Variants in FBN2 observed in about 807,000 individuals in gnomAD.
FBN2 encodes the protein fibrillin-2.
FBN2 carries 105 observed loss-of-function variants against 355.6 expected under a neutral mutation model. The observed-to-expected ratio is 0.30, with a 90% confidence interval of 0.25 to 0.35. The LOEUF (loss-of-function observed/expected upper bound fraction) is 0.35, where lower values mean the gene tolerates loss of function less well. Among genes scored for constraint, FBN2 ranks in the 10% least tolerant of loss-of-function variants. The probability of loss-of-function intolerance (pLI) is 1.00; values close to 1 mark genes in which losing one functional copy is unlikely to be tolerated. For synonymous variants in FBN2, 1,350 were observed against 1,301.2 expected (o/e 1.04, Z -0.81); for missense variants, 3,280 against 3,758.7 (o/e 0.87, Z 3.33).
chr5:128,516,823 G>GA (rs1756293145), intron 5 of FBN2, among the ~76,000 whole-genome samples: 1 of 151,914 alleles, frequency 6.6e-6, no homozygotes, highest in South Asian at 2.1e-4. Flanking sequence ...AATGTTTCTT[G>GA]AAAAAAATTA....
At chr5:128,407,422 T>TA (rs1752954860) in intron 8 of FBN2, among the ~76,000 whole-genome samples, 1 of 152,178 alleles carries the variant, frequency 6.6e-6, no homozygotes, top group Non-Finnish European at 1.5e-5. Flanking sequence ...ATTGGACACT[T>TA]ATTAGAAGAA....
chr5:128,464,681 T>G (rs748616990), intron 6 of FBN2, 43 bp downstream of exon 6: 1 of 1,594,404 alleles, frequency 6.3e-7, no homozygotes, highest in Admixed American at 1.7e-5. Context: ...AAAAGAGAAG[T>G]GGCAGGTCTG....
At chr5:128,299,555 G>A (rs1167352830) in intron 48 of FBN2, among the ~76,000 whole-genome samples, 4 of 152,132 alleles carry the variant, frequency 2.6e-5, no homozygotes, top group Admixed American at 6.5e-5. Flanking sequence ...TCGGAAAACC[G>A]CAGTATTCGG....
intron 7 of FBN2, among the ~76,000 whole-genome samples, chr5:128,438,054 G>T (rs1347540169): frequency 6.6e-6 from 1 of 152,184 alleles, no homozygotes; most frequent in African/African-American, 2.4e-5. Flanking sequence ...GCAGTGGCAT[G>T]ATCCCAGGTA....
At chr5:128,324,469 G>C (rs1216198635) in intron 34 of FBN2, among the ~76,000 whole-genome samples, 2 of 152,190 alleles carry the variant, frequency 1.3e-5, no homozygotes, top group African/African-American at 4.8e-5. Context: ...GTGTCCCAGA[G>C]ATTCTGGCAT....
chr5:128,297,302 A>G (rs1468687078), intron 48 of FBN2, among the ~76,000 whole-genome samples: 1 of 152,174 alleles, frequency 6.6e-6, no homozygotes. Context: ...GCTGAAAAAA[A>G]TGTGTATTCT....
intron 7 of FBN2, among the ~76,000 whole-genome samples, chr5:128,430,714 C>A (rs1486477252): frequency 6.6e-6 from 1 of 151,916 alleles, no homozygotes; most frequent in African/African-American, 2.4e-5. Context: ...TGTGGTGGCA[C>A]AGGCCTATAA....
chr5:128,381,327 A>G (rs1408391595), intron 11 of FBN2, among the ~76,000 whole-genome samples: 1 of 151,996 alleles, frequency 6.6e-6, no homozygotes, highest in Non-Finnish European at 1.5e-5. Context: ...ACCCAATTCT[A>G]TTTTCTTTGT....
At chr5:128,307,290 A>G (rs1749909509) in intron 41 of FBN2, 87 bp from the exon 42 acceptor site, 3 of 821,188 alleles carry the variant, frequency 3.7e-6, no homozygotes, top group Non-Finnish European at 6.4e-6. Flanking sequence ...AAACAAATAT[A>G]TTTTACATTA....
intron 6 of FBN2, among the ~76,000 whole-genome samples, chr5:128,450,285 C>T (rs1409810236): frequency 1.3e-5 from 2 of 151,890 alleles, no homozygotes; most frequent in African/African-American, 4.8e-5. Flanking sequence ...TATTCTGAGG[C>T]CATGTAAAAG....
intron 4 of FBN2, among the ~76,000 whole-genome samples, chr5:128,522,743 TA>T (rs1192149918): frequency 1.6e-4 from 25 of 152,180 alleles, no homozygotes; most frequent in Admixed American, 1.4e-3. Flanking sequence ...CAAAAGAACA[TA>T]TTTTTTTGTA....
At chr5:128,314,395 G>C (rs1383415761) in intron 36 of FBN2, among the ~76,000 whole-genome samples, 1 of 150,324 alleles carries the variant, frequency 6.7e-6, no homozygotes, top group South Asian at 2.1e-4. Context: ...GCACTATCTC[G>C]GCCCACTGCA....
intron 56 of FBN2, among the ~76,000 whole-genome samples, 181 bp from the exon 57 acceptor site, chr5:128,279,022 C>T (rs1765467124): frequency 6.6e-6 from 1 of 152,148 alleles, no homozygotes; most frequent in East Asian, 1.9e-4. Flanking sequence ...CTACAGACTA[C>T]AGTCTATTAA....
intron 2 of FBN2, among the ~76,000 whole-genome samples, chr5:128,532,884 T>G (rs949811156): frequency 6.6e-6 from 1 of 152,052 alleles, no homozygotes; most frequent in Non-Finnish European, 1.5e-5. Flanking sequence ...GAAAATTTTT[T>G]TAAAAATTAG....
Position 128,273,095 on chromosome 5 carries a change from G to T in FBN2, c.7840+745C>A, listed in dbSNP as rs137906650. ...ATGTTAAAAGGGTGATTAAAATCAA[G>T]AAAACTATAAATTGCAATACGATAT... On this transcript the variant is annotated intron_variant, in intron 61 of 64. Transcript: ENST00000262464. Among the ~76,000 whole-genome samples the T allele has an allele frequency of 7.3e-4, 111 of 152,154 alleles. 1 individual carries two copies. The highest frequency in any genetic ancestry group is 2.6e-3 in the African/African-American group (109 of 41,526).
intron 8 of FBN2, among the ~76,000 whole-genome samples, chr5:128,401,046 T>A (rs900647337): frequency 6.6e-6 from 1 of 152,218 alleles, no homozygotes; most frequent in African/African-American, 2.4e-5. Context: ...GCCTTTCACC[T>A]CCTGCCCTGA....
At chr5:128,318,510 A>G (rs1024863293) in intron 35 of FBN2, among the ~76,000 whole-genome samples, 13 of 152,116 alleles carry the variant, frequency 8.5e-5, no homozygotes, top group Non-Finnish European at 1.8e-4. Context: ...GTAATTAATT[A>G]AAATTTGCAA....
At chr5:128,458,115 T>C (rs1460439474) in intron 6 of FBN2, among the ~76,000 whole-genome samples, 1 of 151,828 alleles carries the variant, frequency 6.6e-6, no homozygotes, top group African/African-American at 2.4e-5. Flanking sequence ...AATAAAGGGA[T>C]GGAGGAATAT....
intron 5 of FBN2, among the ~76,000 whole-genome samples, chr5:128,516,720 T>A (rs770642260): frequency 6.6e-6 from 1 of 152,266 alleles, no homozygotes; most frequent in Middle Eastern, 3.4e-3. Context: ...AATTTAAAAA[T>A]ATATATATAA....
Sources: gnomAD v4.1 joint callset for allele counts (sites outside exome capture counted in the v4.1 genomes callset) on GRCh38, gnomAD v4.1.1 for gene constraint, MANE v1.5 for transcripts, NCBI Gene and HGNC (gene_info 2026-07-23, HGNC 2026-07-21) for gene names.